Variants in ZNF407 observed in about 807,000 individuals in gnomAD.
ZNF407 encodes zinc finger protein 407.
ZNF407 carries 17 observed loss-of-function variants against 131.2 expected under a neutral mutation model. That is an observed-to-expected ratio of 0.13 (90% confidence interval 0.09 to 0.19). ZNF407 has a LOEUF of 0.19. ZNF407 is among the 10% of genes least tolerant of loss of function. The pLI is 1.00. For synonymous variants in ZNF407, 1,156 were observed against 1,062.0 expected, an observed-to-expected ratio of 1.09 and a Z score of -1.72; for missense variants, 2,681 against 2,830.6, an observed-to-expected ratio of 0.95 and a Z score of 1.20.
chr18:74,821,732 T>C (rs990792702), intron 4 of ZNF407, among the ~76,000 whole-genome samples: 4 of 152,194 alleles, frequency 2.6e-5, no homozygotes, highest in Non-Finnish European at 4.4e-5. Flanking sequence ...AATAAACATA[T>C]GTGTGCATGT....
At chr18:74,800,711 A>T (rs1476011062) in intron 4 of ZNF407, among the ~76,000 whole-genome samples, 2 of 152,148 alleles carry the variant, frequency 1.3e-5, no homozygotes, top group Non-Finnish European at 2.9e-5. Context: ...AGTTTGTTTT[A>T]TATACTGAAA....
At position 74,881,083 on chromosome 18, in the gene ZNF407, C is replaced by T. The variant is rs1599217672; in HGVS notation, c.5092C>T (p.Arg1698Cys). ...CCTCTGCGGCTTTGCCGGCGGGACC[C>T]GCCACGCCCTCACCAAGCATCGCAG... is the stretch of plus-strand genomic sequence containing the variant. Reference protein sequence around the residue: ...CDLCGFAGGTRHALTKHRRQH... With the variant: ...CDLCGFAGGTCHALTKHRRQH... The change falls in exon 6 of 9, where the codon CGC (arginine) becomes TGC (cysteine). Residue 1698 changes from arginine (R) to cysteine (C), a missense_variant. By Grantham distance (180) the Arg-to-Cys change is radical. Transcript: ENST00000299687. The T allele has an allele frequency of 2.5e-6, 4 of 1,582,024 alleles. No individual in the cohort carries two copies. Among genetic ancestry groups the T allele is most frequent in the African/African-American group, 1.3e-5 (1 of 74,432 alleles).
chr18:74,690,744 C>G (rs939807414), intron 3 of ZNF407, among the ~76,000 whole-genome samples: 1 of 152,108 alleles, frequency 6.6e-6, no homozygotes, highest in African/African-American at 2.4e-5. Flanking sequence ...AAATAATTAG[C>G]AAAGTGGTAG....
intron 8 of ZNF407, among the ~76,000 whole-genome samples, chr18:74,950,277 T>A (rs1972199209): frequency 6.6e-6 from 1 of 152,226 alleles, no homozygotes; most frequent in Non-Finnish European, 1.5e-5. Context: ...AACTGCAACT[T>A]CCTTGATTCC....
chr18:74,863,217 G>A (rs931242938), intron 4 of ZNF407, among the ~76,000 whole-genome samples: 3 of 151,284 alleles, frequency 2.0e-5, no homozygotes, highest in Non-Finnish European at 2.9e-5. Flanking sequence ...CACCGCACCC[G>A]GCTCACTTGG....
chr18:74,623,053 CATGTGAGTGA>C (rs1983609905), intron 1 of ZNF407, among the ~76,000 whole-genome samples: 1 of 148,754 alleles, frequency 6.7e-6, no homozygotes, highest in African/African-American at 2.5e-5. Context: ...TGAATGAGTG[CATGTGAGTGA>C]AGATATGTGT....
chr18:75,005,839 C>T (rs994359354), intron 8 of ZNF407, among the ~76,000 whole-genome samples: 6 of 151,874 alleles, frequency 4.0e-5, no homozygotes, highest in African/African-American at 1.2e-4. Flanking sequence ...GCTTATCGCA[C>T]GAGAGCTCTT....
intron 6 of ZNF407, among the ~76,000 whole-genome samples, chr18:74,888,334 G>A (rs1033551442): frequency 1.3e-5 from 2 of 151,448 alleles, no homozygotes; most frequent in African/African-American, 2.4e-5. Context: ...TTTCCTGGTA[G>A]CCATATTTAA....
intron 3 of ZNF407, among the ~76,000 whole-genome samples, chr18:74,752,168 C>CT (rs1214309594): frequency 3.9e-5 from 6 of 152,030 alleles, no homozygotes; most frequent in African/African-American, 7.2e-5. Context: ...GCATAAATGT[C>CT]TTTTTTTGAG....
chr18:74,625,923 T>C (rs1324170039), intron 1 of ZNF407, among the ~76,000 whole-genome samples: 1 of 152,016 alleles, frequency 6.6e-6, no homozygotes, highest in Non-Finnish European at 1.5e-5. Context: ...ACTAGACACA[T>C]AAATAACCAT....
chr18:74,742,554 T>A (rs1463663850), intron 3 of ZNF407, among the ~76,000 whole-genome samples: 1 of 152,226 alleles, frequency 6.6e-6, no homozygotes, highest in Non-Finnish European at 1.5e-5. Flanking sequence ...AGTACTCAAC[T>A]CTACCCTTTA....
intron 3 of ZNF407, among the ~76,000 whole-genome samples, chr18:74,736,639 T>G (rs188609112): frequency 6.6e-6 from 1 of 152,318 alleles, no homozygotes; most frequent in East Asian, 1.9e-4. Context: ...CTATGATGGC[T>G]GTTTTTGCCA....
In ZNF407 at chr18:74,949,475, T is replaced by C. The variant is rs972143148; in HGVS notation, c.5428+28783T>C. On this transcript the variant is annotated intron_variant, in intron 8 of 8. Transcript: ENST00000299687. ...TCACAACCCTAATCTCCTGGTAATCTCTTTCATGGTTTTCATTTGTTCACG... is the reference window on the plus strand; with the variant it reads ...TCACAACCCTAATCTCCTGGTAATCCCTTTCATGGTTTTCATTTGTTCACG... 1.3e-5 allele frequency among the ~76,000 whole-genome samples: 2 copies of C among 152,232 alleles called. 1 individual carries two copies. The highest frequency in any genetic ancestry group is 4.8e-5 in the African/African-American group (2 of 41,456).
intron 8 of ZNF407, among the ~76,000 whole-genome samples, chr18:74,996,113 A>G (rs1221347739): frequency 6.6e-6 from 1 of 152,222 alleles, no homozygotes; most frequent in African/African-American, 2.4e-5. Context: ...TACAAATTGA[A>G]TAGTAGGATT....
chr18:74,874,395 CCACCA>C (rs1445473315), intron 4 of ZNF407, among the ~76,000 whole-genome samples: 1 of 152,196 alleles, frequency 6.6e-6, no homozygotes, highest in Admixed American at 6.5e-5. Context: ...TCAGGAAAGT[CCACCA>C]TGTGGGGATA....
chr18:74,910,738 A>G (rs868445064), intron 7 of ZNF407, among the ~76,000 whole-genome samples: 6 of 152,190 alleles, frequency 3.9e-5, no homozygotes, highest in Non-Finnish European at 7.3e-5. Flanking sequence ...TTCATTAAGT[A>G]TAATAATTTT....
At chr18:75,043,278 C>A (rs1431411024) in intron 8 of ZNF407, among the ~76,000 whole-genome samples, 1 of 152,146 alleles carries the variant, frequency 6.6e-6, no homozygotes, top group East Asian at 1.9e-4. Flanking sequence ...TGATACCAAG[C>A]ATCTTTTCAT....
At chr18:74,867,745 A>G (rs1971033573) in intron 4 of ZNF407, among the ~76,000 whole-genome samples, 1 of 152,210 alleles carries the variant, frequency 6.6e-6, no homozygotes, top group South Asian at 2.1e-4. Context: ...TTATACAGTA[A>G]TATTAATGAA....
intron 3 of ZNF407, among the ~76,000 whole-genome samples, chr18:74,718,372 A>T (rs1967947879): frequency 6.6e-6 from 1 of 152,094 alleles, no homozygotes; most frequent in Non-Finnish European, 1.5e-5. Flanking sequence ...AAAGGAAAAA[A>T]AAATAGCTAG....
Sources: gnomAD v4.1 joint callset for allele counts (sites outside exome capture counted in the v4.1 genomes callset) on GRCh38, gnomAD v4.1.1 for gene constraint, MANE v1.5 for transcripts, NCBI Gene and HGNC (gene_info 2026-07-23, HGNC 2026-07-21) for gene names.